Variants in STK39 observed in about 807,000 individuals in gnomAD.
STK39 encodes serine/threonine kinase 39.
Under a neutral mutation model 77.8 loss-of-function variants are expected in STK39, and 20 were observed. The observed-to-expected ratio is 0.26, with a 90% CI of 0.18 to 0.37. The LOEUF (loss-of-function observed/expected upper bound fraction) is 0.37. STK39 is among the 10% of genes least tolerant of loss of function. The pLI is 1.00. For synonymous variants in STK39, 246 were observed against 234.1 expected (o/e 1.05, Z -0.47); for missense variants, 479 against 656.5 (o/e 0.73, Z 2.95).
intron 1 of STK39, among the ~76,000 whole-genome samples, chr2:168,223,543 A>T (rs967602273): frequency 3.3e-5 from 5 of 151,272 alleles, no homozygotes; most frequent in Admixed American, 1.3e-4. Context: ...AAGAAAATTC[A>T]CTTCTTATCC....
chr2:168,076,841 A>T (rs368702225), intron 10 of STK39, among the ~76,000 whole-genome samples: 27 of 152,104 alleles, frequency 1.8e-4, no homozygotes, highest in African/African-American at 6.3e-4. Context: ...TTTTCTAATG[A>T]CGGTGATTTT....
intron 1 of STK39, among the ~76,000 whole-genome samples, chr2:168,198,664 T>G (rs1689535613): frequency 6.6e-6 from 1 of 152,212 alleles, no homozygotes; most frequent in Admixed American, 6.5e-5. Flanking sequence ...GCATTTGTCC[T>G]CACTGGCAAA....
intron 12 of STK39, among the ~76,000 whole-genome samples, chr2:168,073,715 A>T (rs140328866): frequency 0.011 from 1,634 of 152,140 alleles, 36 homozygotes; most frequent in African/African-American, 0.038. Flanking sequence ...TGCAACCTCC[A>T]CTTCCCGGGT....
intron 5 of STK39, among the ~76,000 whole-genome samples, chr2:168,146,021 G>A (rs1460624790): frequency 2.6e-5 from 4 of 152,158 alleles, no homozygotes; most frequent in African/African-American, 9.7e-5. Flanking sequence ...TGCATGAACA[G>A]AATAAAACAA....
rs200571297 is a variant in STK39 at position 168,114,417 on chromosome 2, C to CA, written c.1089+15123dup. Among the ~76,000 whole-genome samples, 812 of 152,014 alleles carry CA rather than the reference C, an allele frequency of 5.3e-3. 5 individuals carry two copies. The highest frequency in any genetic ancestry group is 0.019 in the African/African-American group (769 of 41,474). On this transcript the variant is annotated intron_variant, in intron 10 of 17. Transcript: ENST00000355999. ...CACAATGAGGGAAGGGAGAAGAAGG[C>CA]AAAAAAAGCATTTTTAGAATCTCTG...
chr2:168,228,947 A>C (rs1387608426), intron 1 of STK39, among the ~76,000 whole-genome samples: 1 of 152,200 alleles, frequency 6.6e-6, no homozygotes, highest in African/African-American at 2.4e-5. Context: ...CCTGTCTTCC[A>C]ATGTAATAAA....
chr2:168,133,160 A>G (rs1179332263), intron 8 of STK39, among the ~76,000 whole-genome samples: 1 of 152,214 alleles, frequency 6.6e-6, no homozygotes, highest in African/African-American at 2.4e-5. Context: ...GATGCTGTAG[A>G]GAGAAAGCTG....
intron 2 of STK39, among the ~76,000 whole-genome samples, chr2:168,171,367 T>A (rs1352596463): frequency 6.6e-6 from 1 of 151,176 alleles, no homozygotes; most frequent in Admixed American, 6.6e-5. Flanking sequence ...CGCGTCATGC[T>A]AGGTGTGGTG....
intron 1 of STK39, among the ~76,000 whole-genome samples, chr2:168,185,008 T>C (rs1164040528): frequency 6.6e-6 from 1 of 152,214 alleles, no homozygotes; most frequent in Non-Finnish European, 1.5e-5. Context: ...CTGATTAGTT[T>C]AAGAGGAAGC....
chr2:167,963,443 TA>T (rs1692054532), intron 17 of STK39, among the ~76,000 whole-genome samples: 1 of 151,430 alleles, frequency 6.6e-6, no homozygotes, highest in Non-Finnish European at 1.5e-5. Context: ...GAGGTGGTAT[TA>T]AAAAAATGAA....
chr2:168,035,636 T>C (rs1559067047), intron 14 of STK39, among the ~76,000 whole-genome samples: 1 of 152,136 alleles, frequency 6.6e-6, no homozygotes, highest in Non-Finnish European at 1.5e-5. Flanking sequence ...CACAAGGCAA[T>C]GTGTTAGGAC....
At chr2:168,159,663 C>T (rs1182059902) in intron 5 of STK39, among the ~76,000 whole-genome samples, 1 of 152,182 alleles carries the variant, frequency 6.6e-6, no homozygotes, top group Non-Finnish European at 1.5e-5. Flanking sequence ...TAGAAAGCGA[C>T]AGTTCCAGAG....
chr2:168,215,046 C>T (rs1008914196), intron 1 of STK39, among the ~76,000 whole-genome samples: 1 of 152,188 alleles, frequency 6.6e-6, no homozygotes, highest in Non-Finnish European at 1.5e-5. Context: ...GTGTTTTCAA[C>T]ACCGTATTTG....
intron 1 of STK39, among the ~76,000 whole-genome samples, chr2:168,212,925 G>A (rs963280300): frequency 5.9e-5 from 9 of 152,190 alleles, no homozygotes; most frequent in Non-Finnish European, 1.0e-4. Flanking sequence ...AGATAAAGCA[G>A]AAGAGTATAG....
At chr2:168,158,966 G>A (rs3754781) in intron 5 of STK39, among the ~76,000 whole-genome samples, 24,707 of 152,018 alleles carry the variant, frequency 0.16, 2,075 homozygotes, top group East Asian at 0.25. Flanking sequence ...TAAAGTGAGG[G>A]TTTCTCATGG....
At chr2:168,175,455 T>C (rs897693149) in intron 2 of STK39, among the ~76,000 whole-genome samples, 2 of 152,210 alleles carry the variant, frequency 1.3e-5, no homozygotes, top group African/African-American at 4.8e-5. Flanking sequence ...GACATTTTAA[T>C]GAGCTATTTC....
At chr2:167,958,652 T>G (rs879842990) in intron 17 of STK39, among the ~76,000 whole-genome samples, 3 of 152,192 alleles carry the variant, frequency 2.0e-5, no homozygotes, top group South Asian at 4.1e-4. Flanking sequence ...CTCATACAAA[T>G]ATATATGAAA....
At chr2:167,981,248 T>C (rs1310678509) in intron 16 of STK39, among the ~76,000 whole-genome samples, 2 of 152,206 alleles carry the variant, frequency 1.3e-5, no homozygotes, top group Admixed American at 6.5e-5. Flanking sequence ...ATTGAGAAAG[T>C]CTTGCTACCC....
At chr2:168,202,302 A>G (rs1357601769) in intron 1 of STK39, among the ~76,000 whole-genome samples, 1 of 152,218 alleles carries the variant, frequency 6.6e-6, no homozygotes, top group East Asian at 1.9e-4. Context: ...TATATTTCCC[A>G]GAGTTCTATT....
Sources: gnomAD v4.1 joint callset for allele counts (sites outside exome capture counted in the v4.1 genomes callset) on GRCh38, gnomAD v4.1.1 for gene constraint, MANE v1.5 for transcripts, NCBI Gene and HGNC (gene_info 2026-07-23, HGNC 2026-07-21) for gene names.